Variants in SRGAP1 observed in about 807,000 individuals in gnomAD.
The protein encoded by SRGAP1 is SLIT-ROBO Rho GTPase-activating protein 1.
In SRGAP1, 43 loss-of-function variants were observed where a neutral mutation model predicts 121.9. That is an observed-to-expected ratio of 0.35 (90% confidence interval 0.28 to 0.46). The LOEUF (loss-of-function observed/expected upper bound fraction) is 0.46, where lower values mean the gene tolerates loss of function less well. Among genes scored for constraint, SRGAP1 ranks in the 20% least tolerant of loss-of-function variants. SRGAP1 has a pLI of 1.00. For missense variants in SRGAP1, 1,102 were observed against 1,350.9 expected (o/e 0.82, Z 2.89); for synonymous variants, 447 against 485.4 (o/e 0.92, Z 1.04).
chr12:64,045,636 A>G (rs547060540), intron 6 of SRGAP1, among the ~76,000 whole-genome samples: 80 of 151,980 alleles, frequency 5.3e-4, no homozygotes, highest in Non-Finnish European at 9.4e-4. Context: ...GGGATTTACC[A>G]TGTTGGTTAG....
chr12:63,904,794 G>A (rs1453987988), intron 1 of SRGAP1, among the ~76,000 whole-genome samples: 1 of 152,078 alleles, frequency 6.6e-6, no homozygotes, highest in South Asian at 2.1e-4. Context: ...AATTAGCCAG[G>A]CATAATGGTA....
intron 4 of SRGAP1, among the ~76,000 whole-genome samples, chr12:64,029,842 A>C (rs1252720930): frequency 6.6e-6 from 1 of 151,966 alleles, no homozygotes; most frequent in East Asian, 1.9e-4. Flanking sequence ...CAGGAGGTGG[A>C]GGTTACAGTG....
At chr12:64,091,411 C>G in intron 12 of SRGAP1, 33 bp downstream of exon 12, 2 of 1,508,776 alleles carry the variant, frequency 1.3e-6, no homozygotes, top group Non-Finnish European at 1.8e-6. Flanking sequence ...TGGCTGATCT[C>G]CATGCTTCTT....
chr12:63,867,814 A>T (rs1445236257), intron 1 of SRGAP1, among the ~76,000 whole-genome samples: 1 of 151,790 alleles, frequency 6.6e-6, no homozygotes, highest in African/African-American at 2.4e-5. Flanking sequence ...GAAATTACTT[A>T]ACAGATTAAA....
Position 64,161,094 on chromosome 12 carries a change from A to C in SRGAP1, c.*18422A>C, listed in dbSNP as rs1264869182. On this transcript the variant is annotated 3_prime_UTR_variant, in exon 22 of 22. Coordinates refer to ENST00000355086, the MANE Select transcript of SRGAP1 (RefSeq NM_020762.4). ...CCCATCTTACACTTTGATTCTGGAAAGTCTTCTTTTCCCTGGAGCTTATAA... is the reference window on the plus strand; with the variant it reads ...CCCATCTTACACTTTGATTCTGGAACGTCTTCTTTTCCCTGGAGCTTATAA... 2 of 152,188 alleles carry C rather than the reference A, an allele frequency of 1.3e-5. No individual in the cohort carries two copies. Among genetic ancestry groups the C allele is most frequent in the African/African-American group, 4.8e-5 (2 of 41,450 alleles). 9.4% of individuals were successfully genotyped at this position (152,188 alleles called of 1,614,324 possible).
intron 4 of SRGAP1, among the ~76,000 whole-genome samples, chr12:64,022,134 T>C (rs895374343): frequency 4.6e-5 from 7 of 152,120 alleles, no homozygotes; most frequent in South Asian, 4.1e-4. Context: ...GAGTTCTCCA[T>C]AGATACAGAA....
At chr12:63,902,697 T>C (rs2029994221) in intron 1 of SRGAP1, among the ~76,000 whole-genome samples, 2 of 152,252 alleles carry the variant, frequency 1.3e-5, no homozygotes, top group South Asian at 4.1e-4. Context: ...TGAAACAAAA[T>C]GACAGCTGCA....
At chr12:63,877,407 T>C (rs1228483447) in intron 1 of SRGAP1, among the ~76,000 whole-genome samples, 1 of 152,180 alleles carries the variant, frequency 6.6e-6, no homozygotes, top group East Asian at 1.9e-4. Context: ...GTTGTTCTTC[T>C]GGAAAATATA....
intron 1 of SRGAP1, among the ~76,000 whole-genome samples, chr12:63,912,808 C>T (rs2030563454): frequency 2.6e-5 from 4 of 152,024 alleles, no homozygotes; most frequent in Non-Finnish European, 5.9e-5. Flanking sequence ...GTAGTTCAGC[C>T]CTGCAACACT....
At chr12:63,940,402 TAAAA>T (rs140140921) in intron 1 of SRGAP1, among the ~76,000 whole-genome samples, 2 of 118,010 alleles carry the variant, frequency 1.7e-5, no homozygotes. Context: ...TTCCCCTACT[TAAAA>T]AAAAAAAAAA....
At chr12:63,975,108 C>CT (rs111334848) in intron 1 of SRGAP1, among the ~76,000 whole-genome samples, 103 of 152,284 alleles carry the variant, frequency 6.8e-4, no homozygotes, top group African/African-American at 2.2e-3. Context: ...AAGTATTTTC[C>CT]TATTTCATCT....
chr12:63,899,639 C>A (rs1260254585), intron 1 of SRGAP1, among the ~76,000 whole-genome samples: 1 of 152,124 alleles, frequency 6.6e-6, no homozygotes, highest in Non-Finnish European at 1.5e-5. Context: ...AACAGCTGGC[C>A]ACCTTTGATT....
intron 17 of SRGAP1, among the ~76,000 whole-genome samples, chr12:64,115,596 A>C (rs1482318581): frequency 2.0e-5 from 3 of 152,042 alleles, no homozygotes; most frequent in Non-Finnish European, 4.4e-5. Flanking sequence ...CCTCATCTTT[A>C]CAAAAAAATT....
In SRGAP1 at chr12:64,145,848, C is replaced by T. The variant is rs1667545445; in HGVS notation, c.*3176C>T. On this transcript the variant is annotated 3_prime_UTR_variant, in exon 22 of 22. Transcript: ENST00000355086. ...ATAATGAGGCCTTGAGGTGTTCTGC[C>T]CCCAATTTCAAGGAGCTTATCAGGC... 1 of 152,088 alleles carries T rather than the reference C, an allele frequency of 6.6e-6. No individual in the cohort carries two copies. Among genetic ancestry groups the T allele is most frequent in the Non-Finnish European group, 1.5e-5 (1 of 68,034 alleles). 9.4% of individuals were successfully genotyped at this position (152,088 alleles called of 1,614,324 possible).
intron 6 of SRGAP1, among the ~76,000 whole-genome samples, chr12:64,054,850 T>C (rs1436842792): frequency 6.6e-6 from 1 of 151,102 alleles, no homozygotes; most frequent in Non-Finnish European, 1.5e-5. Flanking sequence ...ACTTGTCATC[T>C]AGCATTAGGT....
At chr12:63,867,285 G>A (rs1020465432) in intron 1 of SRGAP1, among the ~76,000 whole-genome samples, 2 of 152,222 alleles carry the variant, frequency 1.3e-5, no homozygotes, top group Non-Finnish European at 2.9e-5. Flanking sequence ...ACCTTCATCT[G>A]AGTAGTGCTG....
At chr12:64,110,316 T>G (rs2036411845) in intron 16 of SRGAP1, among the ~76,000 whole-genome samples, 1 of 152,114 alleles carries the variant, frequency 6.6e-6, no homozygotes, top group African/African-American at 2.4e-5. Flanking sequence ...AGGAAAGCAG[T>G]CTGTTAATTA....
At chr12:63,914,213 G>T (rs1168277277) in intron 1 of SRGAP1, among the ~76,000 whole-genome samples, 1 of 152,026 alleles carries the variant, frequency 6.6e-6, no homozygotes, top group Non-Finnish European at 1.5e-5. Flanking sequence ...ACGGTTTATG[G>T]TTCTGTTTTT....
rs1308075888 is a variant in SRGAP1 at position 64,152,918 on chromosome 12, A to C, written c.*10246A>C. On this transcript the variant is annotated 3_prime_UTR_variant, in exon 22 of 22. Transcript: ENST00000355086. The stretch of plus-strand genomic sequence containing the variant: ...GTACTTCCTGGTATGATTTAAAAAA[A>C]AAAAAAAAAAAAAAAAAACCACTAC... 6.6e-6 allele frequency: 1 copy of C among 150,910 alleles called. No individual in the cohort carries two copies. The highest frequency in any genetic ancestry group is 1.5e-5 in the Non-Finnish European group (1 of 67,638). 9.3% of individuals were successfully genotyped at this position (150,910 alleles called of 1,614,324 possible).
Sources: allele counts gnomAD v4.1 joint callset (sites outside exome capture counted in the v4.1 genomes callset), GRCh38; gene constraint gnomAD v4.1.1; transcripts MANE v1.5; gene names NCBI Gene and HGNC (gene_info 2026-07-23, HGNC 2026-07-21).